Variants in MYT1L observed in about 807,000 individuals in gnomAD.
The protein encoded by MYT1L is myelin transcription factor 1-like protein.
Under a neutral mutation model 126.7 loss-of-function variants are expected in MYT1L, and 12 were observed. The observed-to-expected ratio is 0.09, with a 90% CI of 0.06 to 0.15. MYT1L has a LOEUF of 0.15. Among genes scored for constraint, MYT1L ranks in the 10% least tolerant of loss-of-function variants. The probability of loss-of-function intolerance (pLI) is 1.00; values close to 1 mark genes in which losing one functional copy is unlikely to be tolerated. For synonymous variants in MYT1L, 541 were observed against 604.2 expected (o/e 0.90, Z 1.53); for missense variants, 979 against 1,585.2 (o/e 0.62, Z 6.49).
chr2:2,104,004 G>T (rs1366466187), intron 3 of MYT1L, among the ~76,000 whole-genome samples: 1 of 152,200 alleles, frequency 6.6e-6, no homozygotes, highest in Non-Finnish European at 1.5e-5. Flanking sequence ...CTCTATCAGG[G>T]GCTCTCAGTA....
chr2:1,922,394 T>C lies in MYT1L; in HGVS notation c.1375A>G (p.Arg459Gly), dbSNP rs1333490077. 6.2e-7 allele frequency: 1 copy of C among 1,613,866 alleles called. No homozygotes were observed. Among genetic ancestry groups the C allele is most frequent in the East Asian group, 2.2e-5 (1 of 44,884 alleles). Residue 459 changes from arginine (R) to glycine (G), a missense_variant, in exon 10 of 25, where the codon AGG becomes GGG. Arg to Gly is a moderately radical substitution (Grantham distance 125). Coordinates refer to ENST00000647738, the MANE Select transcript of MYT1L (RefSeq NM_001303052.2). The surrounding 1 kb of genome is among the most constrained non-coding windows in gnomAD (Gnocchi z 7.4). The stretch of plus-strand genomic sequence containing the variant: ...TCCTCATATGACCTCATATTGTCCC[T>C]CCTCCCAGCTTCCATGGCCATCTTC... The part of the protein sequence containing the change: ...REKMAMEAGR[R>G]DNMRSYEDQS...
intron 18 of MYT1L, among the ~76,000 whole-genome samples, chr2:1,860,446 G>T (rs1231246560): frequency 1.3e-5 from 2 of 152,230 alleles, no homozygotes; most frequent in East Asian, 3.9e-4. Flanking sequence ...TCGGGATGCA[G>T]GTGGGGCCCC....
intron 19 of MYT1L, among the ~76,000 whole-genome samples, chr2:1,846,135 T>TGC (rs1289456172): frequency 6.6e-6 from 1 of 152,126 alleles, no homozygotes; most frequent in Non-Finnish European, 1.5e-5. Context: ...TGCCCTGAGG[T>TGC]GCGCCCTCCT....
At position 1,801,709 on chromosome 2, in the gene MYT1L, T is replaced by C; in HGVS notation, c.3263A>G (p.Lys1088Arg). ...SNSQMEADMI[K>R]LRTQITTMES... The stretch of plus-strand genomic sequence containing the variant: ...AAAAACTGTTACCTGAGTTCTGAGT[T>C]TAATCATATCGGCTTCCATCTGGGA... The change falls in exon 23 of 25, where the codon AAA (lysine) becomes AGA (arginine). Residue 1088 changes from lysine to arginine, a missense_variant. Lys to Arg is a conservative substitution (Grantham distance 26, BLOSUM62 2). Transcript: ENST00000647738. The surrounding 1 kb of genome is among the most constrained non-coding windows in gnomAD (Gnocchi z 4.2). 1 of 1,609,206 alleles carries C rather than the reference T, an allele frequency of 6.2e-7. No homozygotes were observed. The highest frequency in any genetic ancestry group is 8.5e-7 in the Non-Finnish European group (1 of 1,177,222).
At chr2:1,951,226 TG>T (rs2057723655) in intron 8 of MYT1L, among the ~76,000 whole-genome samples, 2 of 151,898 alleles carry the variant, frequency 1.3e-5, no homozygotes, top group African/African-American at 4.8e-5. Flanking sequence ...GGGCAGTCAG[TG>T]GGTGGATGTT....
intron 14 of MYT1L, among the ~76,000 whole-genome samples, chr2:1,896,745 C>T (rs2049625094): frequency 6.6e-6 from 1 of 151,864 alleles, no homozygotes; most frequent in Non-Finnish European, 1.5e-5. Context: ...TACCTGGGTG[C>T]AATATGCCCG....
chr2:2,176,307 G>A (rs532778930), intron 2 of MYT1L, among the ~76,000 whole-genome samples: 11 of 152,190 alleles, frequency 7.2e-5, no homozygotes, highest in South Asian at 2.1e-4. Flanking sequence ...CACCCTTCTC[G>A]TTTTTAAACA....
In MYT1L at chr2:2,132,499, T is replaced by C. The variant is rs554231251; in HGVS notation, c.-304+40373A>G. On this transcript the variant is annotated intron_variant, in intron 3 of 24. Coordinates refer to ENST00000647738, the MANE Select transcript of MYT1L (RefSeq NM_001303052.2). ...ACAGAAAACCAAACACCACATGTTCTCACTCATAAGTGGGAGTTGAACAAT... is the reference window on the plus strand; with the variant it reads ...ACAGAAAACCAAACACCACATGTTCCCACTCATAAGTGGGAGTTGAACAAT... 6.9e-4 allele frequency among the ~76,000 whole-genome samples: 97 copies of C among 140,460 alleles called. No individual in the cohort carries two copies. The South Asian group carries it at 0.021, about 31-fold the overall frequency. 92.1% of individuals were successfully genotyped at this position (140,460 alleles called of 152,430 possible).
chr2:2,319,455 G>A (rs2096123365), intron 1 of MYT1L: 1 of 152,290 alleles, frequency 6.6e-6, no homozygotes, highest in Non-Finnish European at 1.5e-5. Context: ...TAGAAACCAT[G>A]ATGGATGAGG....
intron 2 of MYT1L, among the ~76,000 whole-genome samples, chr2:2,260,255 A>C (rs1230566136): frequency 6.6e-6 from 1 of 152,208 alleles, no homozygotes; most frequent in Admixed American, 6.5e-5. Context: ...CCATCTGTGA[A>C]ATGGGCATTG....
intron 15 of MYT1L, among the ~76,000 whole-genome samples, chr2:1,890,440 A>G (rs2048716930): frequency 6.6e-6 from 1 of 152,116 alleles, no homozygotes; most frequent in Non-Finnish European, 1.5e-5. Context: ...TTGTAGCTAA[A>G]AATACCTTTA....
chr2:2,194,079 C>T (rs1241201488), intron 2 of MYT1L, among the ~76,000 whole-genome samples: 4 of 150,774 alleles, frequency 2.7e-5, no homozygotes, highest in Non-Finnish European at 4.4e-5. Context: ...AGCTATTATT[C>T]ATATATATAT....
chr2:2,107,615 ACTT>A (rs1469581661), intron 3 of MYT1L, among the ~76,000 whole-genome samples: 1 of 152,028 alleles, frequency 6.6e-6, no homozygotes, highest in East Asian at 1.9e-4. Flanking sequence ...TTTTTATGTT[ACTT>A]CTTCTCAGCA....
intron 20 of MYT1L, among the ~76,000 whole-genome samples, 160 bp downstream of exon 20, chr2:1,840,600 T>C (rs1426912285): frequency 6.6e-6 from 1 of 152,176 alleles, no homozygotes; most frequent in African/African-American, 2.4e-5. Flanking sequence ...GTGCTTTGGT[T>C]TGGGTCTAAG....
intron 22 of MYT1L, among the ~76,000 whole-genome samples, chr2:1,804,129 T>G (rs2035315413): frequency 6.6e-6 from 1 of 152,190 alleles, no homozygotes; most frequent in Non-Finnish European, 1.5e-5. Context: ...TGTTGTTGTT[T>G]GTTTGTTTTG....
At chr2:2,135,494 A>C (rs2082931796) in intron 3 of MYT1L, among the ~76,000 whole-genome samples, 1 of 152,246 alleles carries the variant, frequency 6.6e-6, no homozygotes. Flanking sequence ...TACACTGTGT[A>C]AGCTACTAAT....
chr2:1,955,157 T>G (rs1307613379), intron 8 of MYT1L, among the ~76,000 whole-genome samples: 2 of 138,088 alleles, frequency 1.4e-5, no homozygotes, highest in Non-Finnish European at 3.1e-5. Flanking sequence ...AAAAAAAAAA[T>G]ATGATTCTAC....
chr2:1,822,412 G>T (rs1024148645), intron 21 of MYT1L, among the ~76,000 whole-genome samples: 1 of 152,202 alleles, frequency 6.6e-6, no homozygotes, highest in Admixed American at 6.5e-5. Flanking sequence ...TTTCTGCAAG[G>T]TGTCTGCCAT....
At chr2:1,843,792 A>C (rs2042150985) in intron 19 of MYT1L, among the ~76,000 whole-genome samples, 2 of 152,164 alleles carry the variant, frequency 1.3e-5, no homozygotes, top group Admixed American at 1.3e-4. Flanking sequence ...CCTGTCCCTG[A>C]GTCACTCCCT....
Sources: gnomAD v4.1 joint callset for allele counts (sites outside exome capture counted in the v4.1 genomes callset) on GRCh38, gnomAD v4.1.1 for gene constraint, Gnocchi (gnomAD v3.1) non-coding constraint, MANE v1.5 for transcripts, NCBI Gene and HGNC (gene_info 2026-07-23, HGNC 2026-07-21) for gene names.